The following FAM171A1 variants were observed in gnomAD, a reference collection of about 807,000 sequenced individuals.
FAM171A1 encodes the protein family with sequence similarity 171 member A1.
A neutral mutation model predicts 74.9 loss-of-function variants in FAM171A1; 23 were observed. That is an observed-to-expected ratio of 0.31 (90% CI 0.22 to 0.44). The LOEUF (loss-of-function observed/expected upper bound fraction) is 0.44. Among genes scored for constraint, FAM171A1 ranks in the 20% least tolerant of loss-of-function variants. The pLI, the probability that FAM171A1 is intolerant of heterozygous loss-of-function variation, is 1.00. For synonymous variants in FAM171A1, 527 were observed against 505.7 expected (o/e 1.04, Z -0.57); for missense variants, 1,162 against 1,159.2 (o/e 1.00, Z -0.03).
intron 1 of FAM171A1, among the ~76,000 whole-genome samples, chr10:15,353,740 C>T (rs943804366): frequency 3.3e-5 from 5 of 152,046 alleles, no homozygotes; most frequent in African/African-American, 1.2e-4. Context: ...GTACCAGGTG[C>T]CACTGTTCTC....
chr10:15,344,514 C>A (rs918904629), intron 1 of FAM171A1, among the ~76,000 whole-genome samples: 1 of 152,166 alleles, frequency 6.6e-6, no homozygotes, highest in Non-Finnish European at 1.5e-5. Context: ...CATTGCACTC[C>A]AGCCTAGGTG....
chr10:15,312,852 C>T (rs537634481), intron 1 of FAM171A1, among the ~76,000 whole-genome samples: 7 of 151,524 alleles, frequency 4.6e-5, no homozygotes, highest in South Asian at 2.1e-4. Context: ...CCCACCACCA[C>T]GCCCGGTTAA....
intron 1 of FAM171A1, among the ~76,000 whole-genome samples, chr10:15,330,481 GA>G (rs1289592601): frequency 2.0e-5 from 3 of 152,142 alleles, no homozygotes; most frequent in African/African-American, 7.2e-5. Flanking sequence ...AGAGATGACA[GA>G]TACTCAGATT....
Position 15,215,980 on chromosome 10 carries a change from A to AAG in FAM171A1, c.986+15_986+16insCT. 1 of 1,530,694 alleles carries AAG rather than the reference A, an allele frequency of 6.5e-7. No homozygotes were observed. The highest frequency in any genetic ancestry group is 1.4e-5 in the African/African-American group (1 of 71,788). The allele number at this position is 1,530,694 out of a possible 1,614,324, so 94.8% of individuals were successfully genotyped here. A position where few individuals can be genotyped will look rare whatever the true frequency, so the allele number is the denominator to read the frequency against. On this transcript the variant is annotated intron_variant, in intron 7 of 7. Coordinates refer to ENST00000378116, the MANE Select transcript of FAM171A1 (RefSeq NM_001010924.2). ...TGTGAATTAAAAAAGATATTGCCAA[A>AAG]ATGGTAACACTTTACCTGCAATAAT...
intron 5 of FAM171A1, among the ~76,000 whole-genome samples, chr10:15,245,377 A>G (rs1452837729): frequency 6.6e-6 from 1 of 152,074 alleles, no homozygotes; most frequent in Non-Finnish European, 1.5e-5. Context: ...CAATCTGTTG[A>G]CTTTGAGTGA....
chr10:15,257,457 CT>C (rs201598067), intron 3 of FAM171A1, among the ~76,000 whole-genome samples: 15 of 152,300 alleles, frequency 9.8e-5, no homozygotes, highest in African/African-American at 1.4e-4. Context: ...GTGTCTCCCC[CT>C]GATCCTCTGC....
intron 3 of FAM171A1, among the ~76,000 whole-genome samples, chr10:15,275,584 A>G (rs1417545890): frequency 6.6e-6 from 1 of 152,150 alleles, no homozygotes; most frequent in Non-Finnish European, 1.5e-5. Flanking sequence ...GGCATGAGCC[A>G]TAAGATTTTA....
At chr10:15,244,434 G>C (rs1834404696) in intron 5 of FAM171A1, among the ~76,000 whole-genome samples, 1 of 152,292 alleles carries the variant, frequency 6.6e-6, no homozygotes, top group South Asian at 2.1e-4. Flanking sequence ...TGGGAGGATT[G>C]CTTCAGCTCT....
At chr10:15,239,360 A>G (rs894616524) in intron 5 of FAM171A1, among the ~76,000 whole-genome samples, 5 of 151,640 alleles carry the variant, frequency 3.3e-5, no homozygotes, top group Admixed American at 6.6e-5. Flanking sequence ...CTGGAGTGCA[A>G]TGGTACAATC....
At chr10:15,261,892 AG>A (rs1350396662) in intron 3 of FAM171A1, among the ~76,000 whole-genome samples, 1 of 152,106 alleles carries the variant, frequency 6.6e-6, no homozygotes, top group Non-Finnish European at 1.5e-5. Flanking sequence ...CTGAGGCAGG[AG>A]GAACGCTTGA....
intron 3 of FAM171A1, among the ~76,000 whole-genome samples, chr10:15,266,226 G>C (rs112155181): frequency 2.0e-5 from 3 of 152,300 alleles, no homozygotes; most frequent in African/African-American, 4.8e-5. Flanking sequence ...ACCCCTGCTG[G>C]GTTCTTAGTT....
intron 1 of FAM171A1, among the ~76,000 whole-genome samples, chr10:15,287,833 C>T (rs558523389): frequency 2.3e-4 from 35 of 152,032 alleles, no homozygotes; most frequent in African/African-American, 7.0e-4. Context: ...AGTTCTTTAG[C>T]GGTGATTTCT....
At chr10:15,347,347 C>T (rs1256491448) in intron 1 of FAM171A1, among the ~76,000 whole-genome samples, 1 of 152,292 alleles carries the variant, frequency 6.6e-6, no homozygotes, top group East Asian at 1.9e-4. Flanking sequence ...CTGTTGCTCC[C>T]TGAAGCAGTT....
rs1323119603 is a variant in FAM171A1 at position 15,371,056 on chromosome 10, C to T, written c.-4G>A. 1 of 1,089,572 alleles carries T rather than the reference C, an allele frequency of 9.2e-7. No individual in the cohort carries two copies. The highest frequency in any genetic ancestry group is 3.7e-5 in the Admixed American group (1 of 26,698). 67.5% of individuals were successfully genotyped at this position (1,089,572 alleles called of 1,614,324 possible). On this transcript the variant is annotated 5_prime_UTR_variant, in exon 1 of 8. Coordinates refer to ENST00000378116, the MANE Select transcript of FAM171A1 (RefSeq NM_001010924.2). ...GCAGCGTCGCGGACCTGCTCATCTC[C>T]GCCGCGGGGCCGGCGGCGGCTCGGG...
At chr10:15,356,333 A>C (rs1229209597) in intron 1 of FAM171A1, among the ~76,000 whole-genome samples, 2 of 151,992 alleles carry the variant, frequency 1.3e-5, no homozygotes, top group East Asian at 3.8e-4. Context: ...AGCAAGAGAA[A>C]ATTTCTCATA....
At chr10:15,341,711 C>A (rs1835766471) in intron 1 of FAM171A1, among the ~76,000 whole-genome samples, 1 of 152,210 alleles carries the variant, frequency 6.6e-6, no homozygotes, top group African/African-American at 2.4e-5. Flanking sequence ...GTATGCAGAG[C>A]TGGAGATAAG....
chr10:15,372,753 A>T (rs977300949), upstream of FAM171A1, among the ~76,000 whole-genome samples: 4 of 151,840 alleles, frequency 2.6e-5, no homozygotes, highest in African/African-American at 9.7e-5. Flanking sequence ...AACCACACAC[A>T]AAACAAAACC....
chr10:15,370,970 C>G lies in FAM171A1; in HGVS notation c.83G>C (p.Gly28Ala). The G allele has an allele frequency of 1.7e-6, 2 of 1,180,412 alleles. No homozygotes were observed. Among genetic ancestry groups the G allele is most frequent in the South Asian group, 1.5e-5 (1 of 65,088 alleles). 73.1% of individuals were successfully genotyped at this position (1,180,412 alleles called of 1,614,324 possible). Residue 28 changes from glycine (G) to alanine (A), a missense_variant, in exon 1 of 8, where the codon GGC (glycine) becomes GCC (alanine). Transcript: ENST00000378116. ...CGCCCACTGACCTTGGGCTCCGGCG[C>G]CGGGCTCCCGCAGCGTCTTGGTCAC... Reference protein sequence around the residue: ...KAVTKTLREPGAGAQEVTLKV... With the variant: ...KAVTKTLREPAAGAQEVTLKV...
At chr10:15,355,708 C>G (rs1472546491) in intron 1 of FAM171A1, among the ~76,000 whole-genome samples, 2 of 152,012 alleles carry the variant, frequency 1.3e-5, no homozygotes, top group Admixed American at 1.3e-4. Flanking sequence ...GAGCAAGACT[C>G]CATCTCAAAA....
Sources: gnomAD v4.1 joint callset for allele counts (sites outside exome capture counted in the v4.1 genomes callset) on GRCh38, gnomAD v4.1.1 for gene constraint, MANE v1.5 for transcripts, NCBI Gene and HGNC (gene_info 2026-07-23, HGNC 2026-07-21) for gene names.